The following ASPRV1 variants were observed in gnomAD, a reference collection of about 807,000 sequenced individuals.
ASPRV1 encodes the protein aspartic peptidase retroviral like 1, also known as retroviral-like aspartic protease 1.
ASPRV1 carries 7 observed loss-of-function variants against 11.0 expected under a neutral mutation model. The observed-to-expected ratio is 0.64, with a 90% CI of 0.36 to 1.20. ASPRV1 has a LOEUF of 1.20. Among genes scored for constraint, ASPRV1 ranks in the 50% most tolerant of loss-of-function variants. ASPRV1 has a pLI of 0.02. For missense variants in ASPRV1, 299 were observed against 320.0 expected, an observed-to-expected ratio of 0.93 and a Z score of 0.50; for synonymous variants, 136 against 138.4, an observed-to-expected ratio of 0.98 and a Z score of 0.12.
the ASPRV1 span, among the ~76,000 whole-genome samples, chr2:69,990,029 G>A: frequency 7.2e-4 from 109 of 152,300 alleles, no homozygotes; most frequent in African/African-American, 2.4e-3. Context: ...ATCCTCGCAG[G>A]TGTGTCCTGT....
the ASPRV1 span, among the ~76,000 whole-genome samples, chr2:70,034,270 G>C: frequency 6.6e-6 from 1 of 151,158 alleles, no homozygotes; most frequent in Non-Finnish European, 1.5e-5. Flanking sequence ...GCCCAGGCTG[G>C]AGTGCAATGG....
At chr2:69,949,311 A>G in the ASPRV1 span, among the ~76,000 whole-genome samples, 47,856 of 151,920 alleles carry the variant, frequency 0.32, 12,225 homozygotes, top group African/African-American at 0.67. Context: ...ACGAATTAAC[A>G]CTTTTTAAGA....
the ASPRV1 span, chr2:69,976,452 CTGAA>C: frequency 6.6e-6 from 1 of 152,274 alleles, no homozygotes; most frequent in Non-Finnish European, 1.5e-5. Flanking sequence ...GCCCTTGAGG[CTGAA>C]TGAGAGCCCT....
the ASPRV1 span, among the ~76,000 whole-genome samples, chr2:69,934,907 G>GAT: frequency 6.6e-6 from 1 of 152,158 alleles, no homozygotes; most frequent in African/African-American, 2.4e-5. Context: ...TAACTCCACA[G>GAT]ATATATATGC....
the ASPRV1 span, among the ~76,000 whole-genome samples, chr2:70,033,106 G>A: frequency 6.6e-6 from 1 of 152,018 alleles, no homozygotes; most frequent in Non-Finnish European, 1.5e-5. Context: ...CAGAATTTCT[G>A]CAAATCCCAG....
At chr2:70,049,043 T>G in the ASPRV1 span, 8 of 151,956 alleles carry the variant, frequency 5.3e-5, no homozygotes, top group Admixed American at 4.6e-4. Context: ...TTTTTTTATT[T>G]TATTATTATT....
the ASPRV1 span, among the ~76,000 whole-genome samples, chr2:70,060,770 C>T: frequency 6.6e-5 from 10 of 152,274 alleles, no homozygotes; most frequent in East Asian, 7.8e-4. Flanking sequence ...AAGCTGAGAT[C>T]GCTCCACTGC....
At chr2:70,033,921 G>A in the ASPRV1 span, among the ~76,000 whole-genome samples, 6 of 152,106 alleles carry the variant, frequency 3.9e-5, no homozygotes, top group South Asian at 4.1e-4. Context: ...TTGGGAGGCC[G>A]AGGCGGGCAG....
the ASPRV1 span, chr2:70,060,032 C>T: frequency 6.6e-6 from 1 of 152,102 alleles, no homozygotes; most frequent in African/African-American, 2.4e-5. Context: ...GGTAAAATCA[C>T]AATATATGGT....
the ASPRV1 span, chr2:70,016,239 C>T: frequency 1.3e-5 from 2 of 152,014 alleles, no homozygotes; most frequent in Non-Finnish European, 2.9e-5. Context: ...TGGTATGAAA[C>T]TAGAAATAAT....
the ASPRV1 span, among the ~76,000 whole-genome samples, chr2:70,024,450 GA>G: frequency 6.6e-6 from 1 of 152,176 alleles, no homozygotes; most frequent in Non-Finnish European, 1.5e-5. Flanking sequence ...AGAGAACAGA[GA>G]GGGGCCGGTA....
the ASPRV1 span, among the ~76,000 whole-genome samples, chr2:70,080,249 A>G: frequency 1.3e-5 from 2 of 150,114 alleles, no homozygotes; most frequent in South Asian, 2.1e-4. Context: ...TTTTTTTGAG[A>G]CAGTTTCACT....
the ASPRV1 span, among the ~76,000 whole-genome samples, chr2:69,971,976 A>T: frequency 6.6e-6 from 1 of 152,120 alleles, no homozygotes; most frequent in African/African-American, 2.4e-5. Flanking sequence ...AATCCGTACC[A>T]TGGGGCTTAG....
At chr2:69,993,413 T>A in the ASPRV1 span, 1 of 152,366 alleles carries the variant, frequency 6.6e-6, no homozygotes. Context: ...CACAAACTCA[T>A]GTGGGTGAAC....
chr2:70,074,152 A>C, the ASPRV1 span, among the ~76,000 whole-genome samples: 90 of 150,140 alleles, frequency 6.0e-4, no homozygotes, highest in Non-Finnish European at 1.3e-3. Flanking sequence ...AAAAAAAAAA[A>C]AAAAAAAACA....
At chr2:69,952,485 G>A in the ASPRV1 span, among the ~76,000 whole-genome samples, 1 of 149,216 alleles carries the variant, frequency 6.7e-6, no homozygotes, top group East Asian at 2.0e-4. Flanking sequence ...AGCCTGGCAC[G>A]ACACAGCAAG....
the ASPRV1 span, among the ~76,000 whole-genome samples, chr2:70,071,191 A>C: frequency 2.0e-5 from 3 of 152,230 alleles, no homozygotes; most frequent in Non-Finnish European, 4.4e-5. Flanking sequence ...CCATCAATTC[A>C]TTCTTCAAGG....
chr2:69,969,208 G>C, the ASPRV1 span, among the ~76,000 whole-genome samples: 2 of 152,182 alleles, frequency 1.3e-5, no homozygotes, highest in African/African-American at 4.8e-5. Context: ...ACGAGGGGTT[G>C]AATCTGCCTG....
upstream of ASPRV1, chr2:69,963,603 G>A (rs186952435): frequency 2.4e-3 from 889 of 377,300 alleles, 3 homozygotes; most frequent in Non-Finnish European, 3.1e-3. Context: ...CCCTGAACCG[G>A]CTTTTCAAAC....
Sources: allele counts gnomAD v4.1 joint callset (sites outside exome capture counted in the v4.1 genomes callset), GRCh38; gene constraint gnomAD v4.1.1; transcripts MANE v1.5; gene names NCBI Gene and HGNC (gene_info 2026-07-23, HGNC 2026-07-21).